The following HSPA4 variants were observed in gnomAD, a reference collection of about 807,000 sequenced individuals.
HSPA4 encodes heat shock 70 kDa protein 4.
In HSPA4, 25 loss-of-function variants were observed where a neutral mutation model predicts 106.2. The ratio of observed to expected loss-of-function variants is 0.24; its 90% CI spans 0.17 to 0.33. HSPA4 has a LOEUF of 0.33. Among genes scored for constraint, HSPA4 ranks in the 10% least tolerant of loss-of-function variants. HSPA4 has a pLI of 1.00. For synonymous variants in HSPA4, 332 were observed against 333.6 expected, an observed-to-expected ratio of 1.00 and a Z score of 0.05; for missense variants, 841 against 996.0, an observed-to-expected ratio of 0.84 and a Z score of 2.10.
intron 2 of HSPA4, among the ~76,000 whole-genome samples, chr5:133,066,398 G>T (rs916236198): frequency 4.6e-5 from 7 of 152,124 alleles, no homozygotes; most frequent in Non-Finnish European, 1.0e-4. Flanking sequence ...ATTTTTGTCA[G>T]CATTTTCCCC....
intron 7 of HSPA4, among the ~76,000 whole-genome samples, chr5:133,079,453 A>G (rs1025536127): frequency 1.3e-5 from 2 of 152,180 alleles, no homozygotes; most frequent in Admixed American, 6.5e-5. Flanking sequence ...GTTCATCCAC[A>G]TTCTGTATCA....
intron 1 of HSPA4, among the ~76,000 whole-genome samples, 186 bp from the exon 2 acceptor site, chr5:133,064,785 CATGTAAATG>C (rs1312821518): frequency 6.6e-6 from 1 of 152,142 alleles, no homozygotes; most frequent in African/African-American, 2.4e-5. Context: ...TGTGCTCCAG[CATGTAAATG>C]ACAGGACTCA....
At chr5:133,091,128 C>CAT in intron 11 of HSPA4, 65 bp from the exon 12 acceptor site, 1 of 1,260,624 alleles carries the variant, frequency 7.9e-7, no homozygotes, top group South Asian at 1.2e-5. Flanking sequence ...GCAATGTAGG[C>CAT]ATATATTCAT....
At chr5:133,095,789 A>C (rs1421901857) in intron 13 of HSPA4, among the ~76,000 whole-genome samples, 1 of 152,168 alleles carries the variant, frequency 6.6e-6, no homozygotes, top group Non-Finnish European at 1.5e-5. Context: ...TTGTGGTGTA[A>C]CCAATCTTCA....
intron 13 of HSPA4, 126 bp from the exon 14 acceptor site, chr5:133,095,971 AG>A (rs2126714736): frequency 3.0e-6 from 2 of 672,124 alleles, no homozygotes; most frequent in African/African-American, 3.6e-5. Flanking sequence ...GGTAGTCCTA[AG>A]TTACTTAGAT....
intron 3 of HSPA4, among the ~76,000 whole-genome samples, chr5:133,068,923 GAT>G (rs1765346371): frequency 6.6e-6 from 1 of 152,176 alleles, no homozygotes; most frequent in African/African-American, 2.4e-5. Flanking sequence ...GGAAGAAAGA[GAT>G]AATTTAGAAA....
intron 16 of HSPA4, among the ~76,000 whole-genome samples, chr5:133,100,471 A>G (rs1018638140): frequency 4.0e-5 from 6 of 151,540 alleles, no homozygotes; most frequent in Non-Finnish European, 7.4e-5. Context: ...ACCTTGGCTC[A>G]CTGCAAGCTC....
chr5:133,065,461 C>G (rs73788288), intron 2 of HSPA4, among the ~76,000 whole-genome samples: 3,225 of 152,250 alleles, frequency 0.021, 107 homozygotes, highest in African/African-American at 0.073. Flanking sequence ...TGGTCTAATT[C>G]AAGGAGTGCC....
rs1326292095 is a variant in HSPA4 at position 133,106,116 on chromosome 5, T to A, written c.*1680T>A. 2 of 55,674 alleles carry A rather than the reference T, an allele frequency of 3.6e-5. No individual in the cohort carries two copies. Among genetic ancestry groups the A allele is most frequent in the Non-Finnish European group, 6.7e-5 (2 of 29,938 alleles). The allele number at this position is 55,674 out of a possible 1,614,324, so 3.4% of individuals were successfully genotyped here. On this transcript the variant is annotated 3_prime_UTR_variant, in exon 19 of 19. Coordinates refer to ENST00000304858, the MANE Select transcript of HSPA4 (RefSeq NM_002154.4). Reference sequence around the variant, plus strand: ...AAAAAAAAAAAATTTTTTTTTTTTTTTTTTTTTTTTTTTTTTTTTTTTTTG... The same window carrying A: ...AAAAAAAAAAAATTTTTTTTTTTTTATTTTTTTTTTTTTTTTTTTTTTTTG...
chr5:133,059,051 C>T (rs1430400129), intron 1 of HSPA4, among the ~76,000 whole-genome samples: 1 of 149,676 alleles, frequency 6.7e-6, no homozygotes, highest in Non-Finnish European at 1.5e-5. Flanking sequence ...TTGCTTGAAT[C>T]CAGGAGGCAG....
Position 133,092,760 on chromosome 5 carries a change from G to A in HSPA4, c.1621G>A (p.Glu541Lys), listed in dbSNP as rs1284564065. The change falls in exon 13 of 19, where the codon GAA becomes AAA. Residue 541 changes from glutamate (E) to lysine (K), a missense_variant. Physicochemically the swap from Glu to Lys is moderately conservative, Grantham distance 56 (BLOSUM62 1). Transcript: ENST00000304858. ...VEEQQQQTPA[E>K]NKAESEEMET... ...AGAGCAACAGCAGCAGACACCAGCA[G>A]AAAATAAGGCAGAGTCTGAAGAAAT... is the stretch of plus-strand genomic sequence containing the variant. 28 of 1,530,618 alleles carry A rather than the reference G, an allele frequency of 1.8e-5. No homozygotes were observed. Among genetic ancestry groups the A allele is most frequent in the Non-Finnish European group, 2.5e-5 (28 of 1,129,430 alleles). The allele number at this position is 1,530,618 out of a possible 1,614,324, so 94.8% of individuals were successfully genotyped here.
chr5:133,075,122 T>C (rs1765432088), intron 6 of HSPA4, among the ~76,000 whole-genome samples: 1 of 152,222 alleles, frequency 6.6e-6, no homozygotes, highest in South Asian at 2.1e-4. Context: ...TCTGGTTTTA[T>C]ATTGTTTCTA....
rs749517462 is a variant in HSPA4, at chr5:133,096,276, A to G, written c.1803+26A>G. On this transcript the variant is annotated intron_variant, in intron 14 of 18. Coordinates refer to ENST00000304858, the MANE Select transcript of HSPA4 (RefSeq NM_002154.4). Reference sequence around the variant, plus strand: ...GTTGTTATTTAAAGTCTATTGGAACAATGAGCTAACAAATTAATGTTACCA... The same window carrying G: ...GTTGTTATTTAAAGTCTATTGGAACGATGAGCTAACAAATTAATGTTACCA... The G allele has an allele frequency of 2.5e-6, 4 of 1,598,522 alleles. No individual in the cohort carries two copies. The East Asian group carries it at 6.7e-5, about 27-fold the overall frequency.
chr5:133,065,672 C>T (rs369508459), intron 2 of HSPA4, among the ~76,000 whole-genome samples: 2 of 152,182 alleles, frequency 1.3e-5, no homozygotes, highest in East Asian at 1.9e-4. Flanking sequence ...TCATCTTACT[C>T]ATATATAAGG....
At chr5:133,096,295 G>A in intron 14 of HSPA4, 45 bp downstream of exon 14, 1 of 1,551,540 alleles carries the variant, frequency 6.4e-7, no homozygotes, top group Non-Finnish European at 8.9e-7. Flanking sequence ...ACAAATTAAT[G>A]TTACCATAGT....
chr5:133,074,445 A>C (rs1397829783), intron 6 of HSPA4, among the ~76,000 whole-genome samples: 2 of 151,880 alleles, frequency 1.3e-5, no homozygotes, highest in Non-Finnish European at 2.9e-5. Context: ...CGCCCGGCTA[A>C]TTTTGTATTT....
At chr5:133,053,784 T>A (rs528411894) in intron 1 of HSPA4, among the ~76,000 whole-genome samples, 175 of 151,868 alleles carry the variant, frequency 1.2e-3, no homozygotes, top group South Asian at 2.9e-3. Context: ...CTCAGTCTCC[T>A]GAGGAGCTGG....
chr5:133,067,377 T>G (rs975235721), intron 2 of HSPA4, 40 bp from the exon 3 acceptor site: 9 of 1,515,880 alleles, frequency 5.9e-6, no homozygotes, highest in Non-Finnish European at 8.1e-6. Flanking sequence ...AAAAAAAAAT[T>G]AGTAGTAGTC....
At chr5:133,090,387 C>G (rs888552397) in intron 11 of HSPA4, among the ~76,000 whole-genome samples, 1 of 141,942 alleles carries the variant, frequency 7.0e-6, no homozygotes, top group African/African-American at 2.7e-5. Flanking sequence ...GCTGAGATCA[C>G]GCCACTGCAC....
Sources: allele counts gnomAD v4.1 joint callset (sites outside exome capture counted in the v4.1 genomes callset), GRCh38; gene constraint gnomAD v4.1.1; transcripts MANE v1.5; gene names NCBI Gene and HGNC (gene_info 2026-07-23, HGNC 2026-07-21).